The following SAMD12 variants were observed in gnomAD, a reference collection of about 807,000 sequenced individuals.
SAMD12 encodes the protein sterile alpha motif domain containing 12.
In SAMD12, 9 loss-of-function variants were observed where a neutral mutation model predicts 15.0. That is an observed-to-expected ratio of 0.60 (90% CI 0.36 to 1.05). The LOEUF is 1.05. Ranked by LOEUF, SAMD12 falls within the 50% of genes least tolerant of loss-of-function variation. SAMD12 has a pLI of 0.01. For missense variants in SAMD12, 230 were observed against 234.2 expected, an observed-to-expected ratio of 0.98 and a Z score of 0.12; for synonymous variants, 86 against 90.1, an observed-to-expected ratio of 0.96 and a Z score of 0.25.
chr8:118,395,932 C>CAAA (rs34761474), intron 3 of SAMD12, among the ~76,000 whole-genome samples: 74 of 129,242 alleles, frequency 5.7e-4, no homozygotes, highest in African/African-American at 2.0e-3. Context: ...GACTCCATCT[C>CAAA]AAAAAAAAAA....
At chr8:118,337,441 G>T (rs1817139269) in intron 4 of SAMD12, among the ~76,000 whole-genome samples, 1 of 152,172 alleles carries the variant, frequency 6.6e-6, no homozygotes, top group Non-Finnish European at 1.5e-5. Context: ...ATGTCCTTCA[G>T]GGTGGGCAAT....
At chr8:118,342,352 T>A (rs1817418528) in intron 4 of SAMD12, among the ~76,000 whole-genome samples, 1 of 151,974 alleles carries the variant, frequency 6.6e-6, no homozygotes, top group African/African-American at 2.4e-5. Context: ...TTTGCCTACA[T>A]CTTAAAATAA....
chr8:118,164,975 A>ATGTGTGTGTGTGTGTGTGTG, the SAMD12 span, among the ~76,000 whole-genome samples: 1 of 144,124 alleles, frequency 6.9e-6, no homozygotes, highest in African/African-American at 2.6e-5. Flanking sequence ...CTGACACTAG[A>ATGTGTGTGTGTGTGTGTGTG]TGTGTGTGTG....
intron 3 of SAMD12, among the ~76,000 whole-genome samples, chr8:118,409,177 G>A (rs1450926232): frequency 1.3e-5 from 2 of 152,062 alleles, no homozygotes; most frequent in Non-Finnish European, 1.5e-5. Flanking sequence ...AATCTTCACT[G>A]ATACAGAAAG....
chr8:118,324,176 A>C (rs1410728308), intron 4 of SAMD12, among the ~76,000 whole-genome samples: 2 of 152,138 alleles, frequency 1.3e-5, no homozygotes, highest in Non-Finnish European at 2.9e-5. Context: ...TCGGTAAGGA[A>C]GGCACAGGCT....
chr8:118,174,542 T>G, the SAMD12 span, among the ~76,000 whole-genome samples: 1 of 152,170 alleles, frequency 6.6e-6, no homozygotes, highest in Non-Finnish European at 1.5e-5. Context: ...AGTGGTTCAT[T>G]TTACTATACT....
chr8:118,390,415 CA>C (rs1373061354), intron 3 of SAMD12, among the ~76,000 whole-genome samples: 6 of 15,562 alleles, frequency 3.9e-4, no homozygotes, highest in African/African-American at 3.0e-3. Flanking sequence ...GAGTGGACTC[CA>C]CCAAGTTCTG....
At chr8:118,410,263 G>A (rs981648616) in intron 3 of SAMD12, among the ~76,000 whole-genome samples, 5 of 152,144 alleles carry the variant, frequency 3.3e-5, no homozygotes, top group Non-Finnish European at 5.9e-5. Flanking sequence ...AGGTTGAAAG[G>A]GAGAGAGTTG....
At chr8:118,418,847 T>C (rs1821854071) in intron 3 of SAMD12, among the ~76,000 whole-genome samples, 1 of 152,362 alleles carries the variant, frequency 6.6e-6, no homozygotes, top group East Asian at 1.9e-4. Context: ...AAAACATCAG[T>C]AAAACATATG....
intron 2 of SAMD12, among the ~76,000 whole-genome samples, chr8:118,498,421 T>TAATGCG (rs1824688419): frequency 1.3e-5 from 2 of 152,268 alleles, no homozygotes; most frequent in Non-Finnish European, 2.9e-5. Flanking sequence ...GTTATGCCTG[T>TAATGCG]AGCATTTACT....
At chr8:118,612,810 A>T (rs1828140536) in intron 1 of SAMD12, among the ~76,000 whole-genome samples, 1 of 152,178 alleles carries the variant, frequency 6.6e-6, no homozygotes, top group Non-Finnish European at 1.5e-5. Context: ...AAACAACCTA[A>T]ATGTACTTCA....
At chr8:118,375,685 C>G (rs998888903), downstream of SAMD12, 1 of 151,996 alleles carries the variant, frequency 6.6e-6, no homozygotes, top group Non-Finnish European at 1.5e-5. Context: ...CAAAATTCAC[C>G]CTTTTTCCTT....
At chr8:118,548,398 C>CACAT (rs1826195247) in intron 2 of SAMD12, among the ~76,000 whole-genome samples, 1 of 150,100 alleles carries the variant, frequency 6.7e-6, no homozygotes, top group Non-Finnish European at 1.5e-5. Flanking sequence ...CACACACACA[C>CACAT]ACACACACAC....
At chr8:118,442,944 T>A (rs1822803668) in intron 2 of SAMD12, among the ~76,000 whole-genome samples, 1 of 152,224 alleles carries the variant, frequency 6.6e-6, no homozygotes, top group Non-Finnish European at 1.5e-5. Flanking sequence ...ACGCTCAGCC[T>A]CAGCTGGGCT....
intron 3 of SAMD12, among the ~76,000 whole-genome samples, chr8:118,384,765 T>G (rs1472957234): frequency 1.3e-5 from 2 of 152,192 alleles, no homozygotes; most frequent in African/African-American, 4.8e-5. Flanking sequence ...AAAATATTCT[T>G]CTTTTCTTGA....
At chr8:118,584,953 AC>A (rs1827399046) in intron 1 of SAMD12, among the ~76,000 whole-genome samples, 1 of 151,270 alleles carries the variant, frequency 6.6e-6, no homozygotes, top group African/African-American at 2.4e-5. Context: ...ACACACACAC[AC>A]AAACACACAC....
chr8:118,398,014 C>T (rs1451476773), intron 3 of SAMD12, among the ~76,000 whole-genome samples: 1 of 152,200 alleles, frequency 6.6e-6, no homozygotes, highest in Non-Finnish European at 1.5e-5. Context: ...ATCTCAAACT[C>T]CTGGGCTCAG....
intron 1 of SAMD12, among the ~76,000 whole-genome samples, chr8:118,587,885 C>A (rs1377775023): frequency 3.3e-5 from 5 of 152,144 alleles, no homozygotes; most frequent in Non-Finnish European, 7.4e-5. Flanking sequence ...CCATTTTAAC[C>A]AATAACATAG....
At chr8:118,319,517 T>C (rs538045048) in intron 4 of SAMD12, among the ~76,000 whole-genome samples, 1 of 152,332 alleles carries the variant, frequency 6.6e-6, no homozygotes, top group East Asian at 1.9e-4. Flanking sequence ...ATCAAATTCC[T>C]AGCAGAAGTT....
Sources: gnomAD v4.1 joint callset for allele counts (sites outside exome capture counted in the v4.1 genomes callset) on GRCh38, gnomAD v4.1.1 for gene constraint, MANE v1.5 for transcripts, NCBI Gene and HGNC (gene_info 2026-07-23, HGNC 2026-07-21) for gene names.